ANKRD40: variants seen among roughly 807,000 people sequenced by gnomAD.
ANKRD40 encodes ankyrin repeat domain-containing protein 40.
In ANKRD40, 24 loss-of-function variants were observed where a neutral mutation model predicts 35.5. The observed-to-expected ratio is 0.68, with a 90% CI of 0.49 to 0.95. The LOEUF (loss-of-function observed/expected upper bound fraction) is 0.95. ANKRD40 is among the 40% of genes least tolerant of loss of function. The pLI, the probability that ANKRD40 is intolerant of heterozygous loss-of-function variation, is 0.00. For synonymous variants in ANKRD40, 147 were observed against 173.5 expected, an observed-to-expected ratio of 0.85 and a Z score of 1.20; for missense variants, 361 against 436.0, an observed-to-expected ratio of 0.83 and a Z score of 1.53.
chr17:50,705,811 C>T (rs1016677679), intron 1 of ANKRD40, among the ~76,000 whole-genome samples: 2 of 151,922 alleles, frequency 1.3e-5, no homozygotes, highest in African/African-American at 4.8e-5. Flanking sequence ...CAGGCACACA[C>T]CGCTACCCCT....
At position 50,707,606 on chromosome 17, in the gene ANKRD40, C is replaced by T; in HGVS notation, c.49G>A (p.Ala17Thr). 6.2e-7 allele frequency: 1 copy of T among 1,602,868 alleles called. No homozygotes were observed. Among genetic ancestry groups the T allele is most frequent in the Non-Finnish European group, 8.5e-7 (1 of 1,174,986 alleles). ...TCCCGAATGTCCCCTAAGGCCGCGG[C>T]CTCCCGCAGCCTCTCCTGCTGCTCC... ...QKEQQERLRE[A>T]AALGDIREVQ... Residue 17 changes from alanine to threonine, a missense_variant, in exon 1 of 5, where the codon GCC (alanine) becomes ACC (threonine). Coordinates refer to ENST00000285243, the MANE Select transcript of ANKRD40 (RefSeq NM_052855.4). The surrounding 1 kb of genome is among the most constrained non-coding windows in gnomAD (Gnocchi z 4.8).
At position 50,699,896 on chromosome 17, in the gene ANKRD40, T is replaced by C. The variant is rs1443915382; in HGVS notation, c.284-3A>G. ...ATCATCATCATCTTCTTCTTCCACT[T>C]AAAAAGAAGAAAACAGAACATTTAC... On this transcript the variant is annotated splice_polypyrimidine_tract_variant and splice_region_variant and intron_variant, in intron 2 of 4. Transcript: ENST00000285243. 6.7e-7 allele frequency: 1 copy of C among 1,503,158 alleles called. No individual in the cohort carries two copies. The highest frequency in any genetic ancestry group is 1.4e-5 in the African/African-American group (1 of 71,478). The allele number at this position is 1,503,158 out of a possible 1,614,324, so 93.1% of individuals were successfully genotyped here. A position where few individuals can be genotyped will look rare whatever the true frequency, so the allele number is the denominator to read the frequency against.
At chr17:50,701,597 A>G (rs748192782) in intron 1 of ANKRD40, among the ~76,000 whole-genome samples, 1 of 152,222 alleles carries the variant, frequency 6.6e-6, no homozygotes, top group Non-Finnish European at 1.5e-5. Context: ...AAAGATTCAG[A>G]GCAACTAAAT....
chr17:50,696,620 A>T (rs1414242252), intron 4 of ANKRD40: 1 of 247,482 alleles, frequency 4.0e-6, no homozygotes, highest in Non-Finnish European at 7.7e-6. Context: ...TCTCTCTGGT[A>T]TCAACTTCCA....
intron 4 of ANKRD40, 141 bp from the exon 5 acceptor site, chr17:50,696,284 T>C: frequency 1.0e-6 from 1 of 960,156 alleles, no homozygotes; most frequent in Non-Finnish European, 1.5e-6. Flanking sequence ...AAGTCAGTGA[T>C]AGTGCAACTA....
At chr17:50,701,574 C>T (rs1258700288) in intron 1 of ANKRD40, among the ~76,000 whole-genome samples, 2 of 152,196 alleles carry the variant, frequency 1.3e-5, no homozygotes, top group Non-Finnish European at 2.9e-5. Context: ...AAAACTCCAT[C>T]TTAACAGAAA....
rs1968193908 is a variant in ANKRD40, at chr17:50,695,803, C to T, written c.*194G>A. On this transcript the variant is annotated 3_prime_UTR_variant, in exon 5 of 5. Transcript: ENST00000285243. ...TTCAAGCAATAGGTTTACTGTGCAC[C>T]AAGAGGCTTGGAAGAGTGGCACCAC... 3.6e-6 allele frequency: 2 copies of T among 563,102 alleles called. No individual in the cohort carries two copies. Among genetic ancestry groups the T allele is most frequent in the Non-Finnish European group, 6.0e-6 (2 of 331,370 alleles). The allele number at this position is 563,102 out of a possible 1,614,324, so 34.9% of individuals were successfully genotyped here.
At chr17:50,705,991 C>T (rs1775299481) in intron 1 of ANKRD40, among the ~76,000 whole-genome samples, 1 of 151,630 alleles carries the variant, frequency 6.6e-6, no homozygotes, top group African/African-American at 2.4e-5. Flanking sequence ...AGTCTGGAAA[C>T]CATGGTTCTG....
At position 50,696,130 on chromosome 17, in the gene ANKRD40, G is replaced by A; in HGVS notation, c.974C>T (p.Ala325Val). 6.2e-7 allele frequency: 1 copy of A among 1,613,910 alleles called. No homozygotes were observed. Among genetic ancestry groups the A allele is most frequent in the Non-Finnish European group, 8.5e-7 (1 of 1,179,946 alleles). Reference protein sequence around the residue: ...NTLLRKDKDVARLQDFQELEL... With the variant: ...NTLLRKDKDVVRLQDFQELEL... ...CAGCTCCTGGAAATCTTGGAGTCGA[G>A]CAACATCCTTGTCCTAAAACAAAAA... The change falls in exon 5 of 5, where the codon GCT (alanine) becomes GTT (valine). Residue 325 changes from alanine (A) to valine (V), a missense_variant. Ala to Val is a moderately conservative substitution (Grantham distance 64, BLOSUM62 0). Around this residue, in one of 5 missense-constraint regions of ANKRD40, gnomAD observed 93 missense variants for 129.6 expected, o/e 0.72. Coordinates refer to ENST00000285243, the MANE Select transcript of ANKRD40 (RefSeq NM_052855.4).
At position 50,699,867 on chromosome 17, in the gene ANKRD40, C is replaced by T. The variant is rs968225274; in HGVS notation, c.310G>A (p.Asp104Asn). The T allele has an allele frequency of 1.3e-6, 2 of 1,511,904 alleles. No individual in the cohort carries two copies. The highest frequency in any genetic ancestry group is 1.8e-6 in the Non-Finnish European group (2 of 1,130,966). 93.7% of individuals were successfully genotyped at this position (1,511,904 alleles called of 1,614,324 possible). ...TTCAGCTGGGGGAGGTTGTCATCAT[C>T]ATCATCATCATCATCTTCTTCTTCC... is the stretch of plus-strand genomic sequence containing the variant. ...GVEEEDDDDD[D>N]DDNLPQLKKE... Residue 104 changes from aspartate (D) to asparagine (N), a missense_variant, in exon 3 of 5, where the codon GAT becomes AAT. Asp to Asn is a conservative substitution (Grantham distance 23). Around this residue, in one of 5 missense-constraint regions of ANKRD40, gnomAD observed 172 missense variants for 174.0 expected, o/e 0.99. Transcript: ENST00000285243.
intron 1 of ANKRD40, among the ~76,000 whole-genome samples, chr17:50,705,170 A>AGTT (rs1282761854): frequency 6.6e-6 from 1 of 151,868 alleles, no homozygotes; most frequent in Admixed American, 6.6e-5. Context: ...CTGCAAAGCA[A>AGTT]GTTCAATAAA....
chr17:50,697,904 G>A lies in ANKRD40; in HGVS notation c.779-783C>T, dbSNP rs138276769. On this transcript the variant is annotated intron_variant, in intron 3 of 4. Transcript: ENST00000285243. ...ACTTCCAGGAAAAAAGGAAAAGTAA[G>A]ACTAGCTACACCCTATGGCATTTGA... Among the ~76,000 whole-genome samples the A allele has an allele frequency of 8.1e-4, 124 of 152,290 alleles. 1 individual carries two copies. In the East Asian group the frequency reaches 0.022, roughly 28 times the overall value.
At chr17:50,697,329 G>A (rs145646867) in intron 3 of ANKRD40, among the ~76,000 whole-genome samples, 4 of 152,286 alleles carry the variant, frequency 2.6e-5, no homozygotes, top group East Asian at 1.9e-4. Context: ...CTGCACTGTC[G>A]TCCGTACTTC....
chr17:50,706,161 G>T (rs1029126645), intron 1 of ANKRD40, among the ~76,000 whole-genome samples: 1 of 145,172 alleles, frequency 6.9e-6, no homozygotes, highest in South Asian at 2.2e-4. Context: ...TTGCTCTGTC[G>T]CCCAGGCTGG....
chr17:50,706,734 C>CAAA (rs756189222), intron 1 of ANKRD40, among the ~76,000 whole-genome samples: 4 of 93,632 alleles, frequency 4.3e-5, no homozygotes, highest in African/African-American at 1.2e-4. Flanking sequence ...CCAAAAATAC[C>CAAA]AAAAAAAAAA....
At chr17:50,699,161 TA>T (rs1429995548) in intron 3 of ANKRD40, among the ~76,000 whole-genome samples, 1 of 150,978 alleles carries the variant, frequency 6.6e-6, no homozygotes. Flanking sequence ...TACGTCTCAA[TA>T]AAAAAAAGAG....
chr17:50,707,487 C>T lies in ANKRD40; in HGVS notation c.134+34G>A. 6.3e-7 allele frequency: 1 copy of T among 1,592,860 alleles called. No homozygotes were observed. The highest frequency in any genetic ancestry group is 1.1e-5 in the South Asian group (1 of 89,978). On this transcript the variant is annotated intron_variant, in intron 1 of 4. Transcript: ENST00000285243. The surrounding 1 kb of genome is among the most constrained non-coding windows in gnomAD (Gnocchi z 4.8). ...CTGCCCCACGCCTTCCGACCGGCTG[C>T]CCTGACCCTAGGCCTCCCCCGCTCC...
rs1968153718 is a variant in ANKRD40, at chr17:50,693,380, A to C, written c.*2617T>G. 6.6e-6 allele frequency: 1 copy of C among 152,256 alleles called. No homozygotes were observed. Among genetic ancestry groups the C allele is most frequent in the African/African-American group, 2.4e-5 (1 of 41,468 alleles). 9.4% of individuals were successfully genotyped at this position (152,256 alleles called of 1,614,324 possible). On this transcript the variant is annotated 3_prime_UTR_variant, in exon 5 of 5. Transcript: ENST00000285243. Reference sequence around the variant, plus strand: ...AAAAAATCCTTGTTATAAATTACACAAAGCATATAAAAATATTTCTCTGAA... The same window carrying C: ...AAAAAATCCTTGTTATAAATTACACCAAGCATATAAAAATATTTCTCTGAA...
intron 1 of ANKRD40, 120 bp from the exon 2 acceptor site, chr17:50,700,836 G>A: frequency 6.8e-6 from 6 of 884,894 alleles, no homozygotes; most frequent in Non-Finnish European, 9.5e-6. Flanking sequence ...CAGGTAACCG[G>A]GCTGGTAATC....
Sources: allele counts gnomAD v4.1 joint callset (sites outside exome capture counted in the v4.1 genomes callset), GRCh38; gene constraint gnomAD v4.1.1; regional missense constraint gnomAD v4.1.1; non-coding constraint Gnocchi (gnomAD v3.1); transcripts MANE v1.5; gene names NCBI Gene and HGNC (gene_info 2026-07-23, HGNC 2026-07-21).